Variants in ING5 observed in about 807,000 individuals in gnomAD.
ING5 encodes the protein inhibitor of growth family member 5.
A neutral mutation model predicts 37.4 loss-of-function variants in ING5; 17 were observed. The observed-to-expected ratio is 0.45, with a 90% CI of 0.31 to 0.68. The LOEUF (loss-of-function observed/expected upper bound fraction) is 0.68. Ranked by LOEUF, ING5 falls within the 30% of genes least tolerant of loss-of-function variation. ING5 has a pLI of 0.05. For synonymous variants in ING5, 123 were observed against 116.6 expected, an observed-to-expected ratio of 1.06 and a Z score of -0.36; for missense variants, 233 against 311.9, an observed-to-expected ratio of 0.75 and a Z score of 1.91.
At chr2:241,724,325 G>A (rs7585192) in intron 7 of ING5, among the ~76,000 whole-genome samples, 13,437 of 152,258 alleles carry the variant, frequency 0.088, 1,556 homozygotes, top group African/African-American at 0.26. Context: ...CACGCCGTGC[G>A]GCTGGGGGAT....
intron 5 of ING5, chr2:241,719,763 G>C: frequency 6.9e-7 from 1 of 1,448,262 alleles, no homozygotes; most frequent in Non-Finnish European, 9.0e-7. Flanking sequence ...AACACAGGAA[G>C]ATCCACTGTG....
At chr2:241,697,820 C>T (rs186039144), upstream of ING5, among the ~76,000 whole-genome samples, 44 of 152,286 alleles carry the variant, frequency 2.9e-4, no homozygotes, top group African/African-American at 8.7e-4. Context: ...TGGTGGCTCA[C>T]GCCCGTAATC....
Position 241,725,250 on chromosome 2 carries a change from TTACAGG to T in ING5, c.*220_*225del. On this transcript the variant is annotated 3_prime_UTR_variant, in exon 8 of 8. Coordinates refer to ENST00000313552, the MANE Select transcript of ING5 (RefSeq NM_032329.6). ...CGCCGCCGCGACCTCAGTGTGGCTT[TTACAGG>T]ACTCCCCCCGAGCATCAGCAGGGAC... 1 of 579,512 alleles carries T rather than the reference TTACAGG, an allele frequency of 1.7e-6. No individual in the cohort carries two copies. The highest frequency in any genetic ancestry group is 2.0e-5 in the South Asian group (1 of 50,826). 35.9% of individuals were successfully genotyped at this position (579,512 alleles called of 1,614,324 possible). A position where few individuals can be genotyped will look rare whatever the true frequency, so the allele number is the denominator to read the frequency against.
At chr2:241,710,378 G>T (rs6437284) in intron 3 of ING5, among the ~76,000 whole-genome samples, 2 of 151,850 alleles carry the variant, frequency 1.3e-5, no homozygotes, top group African/African-American at 4.8e-5. Flanking sequence ...CTGCAGTTCA[G>T]TGCAACCTCC....
At chr2:241,723,177 G>A (rs747584293) in intron 6 of ING5, 33 bp from the exon 7 acceptor site, 22 of 1,613,684 alleles carry the variant, frequency 1.4e-5, no homozygotes, top group African/African-American at 4.0e-5. Flanking sequence ...AACATGAGGC[G>A]TGTTGACTGC....
intron 5 of ING5, among the ~76,000 whole-genome samples, chr2:241,715,277 C>T (rs2070231080): frequency 6.6e-6 from 1 of 151,974 alleles, no homozygotes; most frequent in Non-Finnish European, 1.5e-5. Flanking sequence ...TCACTGCAGC[C>T]TCCACCTCCT....
chr2:241,687,512 T>C (rs1373076682), exon 1 of ING5: 2 of 386,772 alleles, frequency 5.2e-6, no homozygotes, highest in Non-Finnish European at 9.0e-6. Context: ...CTCTGGAAAG[T>C]CCGTGTGTGT....
chr2:241,692,294 G>T (rs949962555), intron 2 of ING5, among the ~76,000 whole-genome samples: 3 of 151,600 alleles, frequency 2.0e-5, no homozygotes, highest in African/African-American at 7.3e-5. Context: ...TTCCCTTTGA[G>T]ATTTTTTTTT....
intron 3 of ING5, among the ~76,000 whole-genome samples, chr2:241,710,215 T>C (rs2070065498): frequency 6.6e-6 from 1 of 152,144 alleles, no homozygotes; most frequent in Non-Finnish European, 1.5e-5. Context: ...CAAGCAATTC[T>C]CCTGCCTCAG....
At chr2:241,723,097 G>A (rs775879310) in intron 6 of ING5, 23 bp downstream of exon 6, 139 of 1,614,094 alleles carry the variant, frequency 8.6e-5, no homozygotes, top group Middle Eastern at 3.3e-4. Context: ...TGCAGGATTC[G>A]CGCCATGGGG....
intron 2 of ING5, among the ~76,000 whole-genome samples, chr2:241,693,846 G>A (rs1378144087): frequency 3.3e-5 from 5 of 150,826 alleles, no homozygotes; most frequent in East Asian, 2.0e-4. Flanking sequence ...TAGTAGAGAC[G>A]GGGTGTTTCA....
intron 4 of ING5, 28 bp from the exon 5 acceptor site, chr2:241,711,950 A>G: frequency 6.5e-7 from 1 of 1,540,366 alleles, no homozygotes; most frequent in Non-Finnish European, 8.7e-7. Context: ...ATTCTATAAA[A>G]ATAATTTGCA....
At chr2:241,715,430 A>G (rs1312638355) in intron 5 of ING5, among the ~76,000 whole-genome samples, 1 of 150,988 alleles carries the variant, frequency 6.6e-6, no homozygotes, top group Non-Finnish European at 1.5e-5. Context: ...TCCTGAGCTC[A>G]AGTGATCCAC....
chr2:241,688,965 A>AT lies in ING5; in HGVS notation c.-773-865dup, dbSNP rs563832212. On this transcript the variant is annotated intron_variant, in intron 1 of 7. Transcript: ENST00000636051. ...AGGTGCCCACCATCATGCCCGGCTAATTTTTTTTGTATTTTTTAGTAGAGA... is the reference window on the plus strand; with the variant it reads ...AGGTGCCCACCATCATGCCCGGCTAATTTTTTTTTGTATTTTTTAGTAGAGA... 2.7e-3 allele frequency among the ~76,000 whole-genome samples: 408 copies of AT among 151,564 alleles called. 1 individual carries two copies. Among genetic ancestry groups the AT allele is most frequent in the African/African-American group, 8.7e-3 (360 of 41,296 alleles).
chr2:241,699,345 A>C (rs892179947), upstream of ING5, among the ~76,000 whole-genome samples: 5 of 152,070 alleles, frequency 3.3e-5, no homozygotes, highest in Admixed American at 1.3e-4. Flanking sequence ...TAATGAACAT[A>C]ATAGTGGCAA....
At chr2:241,719,394 G>T (rs901627594) in intron 5 of ING5, 4 of 722,790 alleles carry the variant, frequency 5.5e-6, no homozygotes, top group South Asian at 3.2e-5. Flanking sequence ...CTGGCTGCAG[G>T]TCATCTAGCT....
upstream of ING5, among the ~76,000 whole-genome samples, chr2:241,700,972 A>G (rs976387149): frequency 3.0e-4 from 40 of 133,146 alleles, no homozygotes; most frequent in African/African-American, 1.0e-3. Context: ...TTTTTCTTAA[A>G]ATTTTCTTTT....
chr2:241,723,330 C>T, intron 7 of ING5, 59 bp downstream of exon 7: 8 of 1,559,940 alleles, frequency 5.1e-6, no homozygotes, highest in Non-Finnish European at 6.2e-6. Flanking sequence ...GCGCTGCTGG[C>T]CTCCCCAGGA....
At chr2:241,691,512 C>G (rs1296959050) in intron 2 of ING5, among the ~76,000 whole-genome samples, 1 of 147,166 alleles carries the variant, frequency 6.8e-6, no homozygotes, top group East Asian at 2.0e-4. Flanking sequence ...TCTTAGTGTG[C>G]TGCAACTTCC....
Sources: gnomAD v4.1 joint callset for allele counts (sites outside exome capture counted in the v4.1 genomes callset) on GRCh38, gnomAD v4.1.1 for gene constraint, MANE v1.5 for transcripts, NCBI Gene and HGNC (gene_info 2026-07-23, HGNC 2026-07-21) for gene names.